The following SLX4IP variants were observed in gnomAD, a reference collection of about 807,000 sequenced individuals.
SLX4IP encodes the protein protein SLX4IP.
A neutral mutation model predicts 32.9 loss-of-function variants in SLX4IP; 34 were observed. That is an observed-to-expected ratio of 1.03 (90% CI 0.79 to 1.38). The LOEUF is 1.38. Ranked by LOEUF, SLX4IP falls within the 40% of genes most tolerant of loss-of-function variation. The probability of loss-of-function intolerance (pLI) is 0.00; values close to 1 mark genes in which losing one functional copy is unlikely to be tolerated. For missense variants in SLX4IP, 444 were observed against 479.0 expected (o/e 0.93, Z 0.68); for synonymous variants, 172 against 171.7 (o/e 1.00, Z -0.01).
chr20:10,568,854 C>T (rs1010517532), intron 4 of SLX4IP, among the ~76,000 whole-genome samples: 1 of 152,202 alleles, frequency 6.6e-6, no homozygotes, highest in Non-Finnish European at 1.5e-5. Context: ...CTGTGCCCTT[C>T]GTGAGATGAA....
At chr20:10,443,755 G>T (rs777273046) in intron 1 of SLX4IP, among the ~76,000 whole-genome samples, 10 of 152,196 alleles carry the variant, frequency 6.6e-5, no homozygotes, top group Non-Finnish European at 1.3e-4. Flanking sequence ...GAGGGGCCTG[G>T]TTGAAGGTGA....
chr20:10,455,947 C>T (rs1182383416), intron 1 of SLX4IP, among the ~76,000 whole-genome samples: 1 of 151,982 alleles, frequency 6.6e-6, no homozygotes, highest in African/African-American at 2.4e-5. Flanking sequence ...GGTTGAGCAT[C>T]CCTAATATGA....
At chr20:10,604,505 A>G (rs1441776059) in intron 6 of SLX4IP, among the ~76,000 whole-genome samples, 1 of 152,240 alleles carries the variant, frequency 6.6e-6, no homozygotes, top group Non-Finnish European at 1.5e-5. Context: ...TAGACAAGGA[A>G]GCCAGCTGCA....
intron 2 of SLX4IP, among the ~76,000 whole-genome samples, chr20:10,500,579 T>C (rs1198818007): frequency 6.6e-6 from 1 of 151,994 alleles, no homozygotes; most frequent in Non-Finnish European, 1.5e-5. Context: ...AGCAAAATCC[T>C]GTCTCTGCAA....
At chr20:10,555,290 C>T (rs1044797441) in intron 2 of SLX4IP, among the ~76,000 whole-genome samples, 28 of 152,180 alleles carry the variant, frequency 1.8e-4, no homozygotes, top group Non-Finnish European at 2.2e-4. Context: ...CAGACCATCC[C>T]CAACCTTGGT....
At chr20:10,489,791 T>C (rs1045040149) in intron 2 of SLX4IP, among the ~76,000 whole-genome samples, 4 of 152,230 alleles carry the variant, frequency 2.6e-5, no homozygotes, top group East Asian at 1.9e-4. Context: ...ATGGTTAACA[T>C]GAGGACAGTT....
chr20:10,574,243 G>A (rs188153473), intron 4 of SLX4IP, among the ~76,000 whole-genome samples: 152 of 152,194 alleles, frequency 1.0e-3, no homozygotes, highest in African/African-American at 3.5e-3. Context: ...TCAAAAAAAC[G>A]TGATGTACAA....
intron 1 of SLX4IP, among the ~76,000 whole-genome samples, chr20:10,437,610 G>C (rs1389723737): frequency 1.3e-5 from 2 of 152,180 alleles, no homozygotes; most frequent in African/African-American, 2.4e-5. Context: ...TATTTGCTCT[G>C]TGTCCTAAGA....
chr20:10,495,132 C>T (rs923664885), intron 2 of SLX4IP, among the ~76,000 whole-genome samples: 5 of 151,992 alleles, frequency 3.3e-5, no homozygotes, highest in Admixed American at 2.0e-4. Flanking sequence ...AATGAAAATA[C>T]GTATATGACT....
chr20:10,573,491 A>T (rs183831920), intron 4 of SLX4IP, among the ~76,000 whole-genome samples: 1 of 152,282 alleles, frequency 6.6e-6, no homozygotes, highest in East Asian at 1.9e-4. Context: ...GGGCAGTTAG[A>T]ATGTGCTCCT....
chr20:10,456,630 T>C (rs1206661609), intron 1 of SLX4IP, among the ~76,000 whole-genome samples: 1 of 152,232 alleles, frequency 6.6e-6, no homozygotes, highest in Non-Finnish European at 1.5e-5. Flanking sequence ...CGTGAGCCAC[T>C]GCGTCCAGCT....
chr20:10,587,338 T>C lies in SLX4IP; in HGVS notation c.239-11337T>C, dbSNP rs555031987. On this transcript the variant is annotated intron_variant, in intron 4 of 7. Transcript: ENST00000334534. ...AAAAATTTTTAGAAAATTAGAAATA[T>C]GTCTACAAAAAGTCTACAACAAATG... is the stretch of plus-strand genomic sequence containing the variant. Among the ~76,000 whole-genome samples the C allele has an allele frequency of 4.6e-5, 7 of 152,192 alleles. No homozygotes were observed. In the East Asian group the frequency reaches 1.4e-3, roughly 29 times the overall value.
At chr20:10,591,185 T>G (rs891060354) in intron 4 of SLX4IP, among the ~76,000 whole-genome samples, 1 of 152,218 alleles carries the variant, frequency 6.6e-6, no homozygotes, top group African/African-American at 2.4e-5. Flanking sequence ...TCAGTTCATA[T>G]AAAGGACAGA....
chr20:10,596,468 A>G (rs548214768), intron 4 of SLX4IP, among the ~76,000 whole-genome samples: 17 of 152,026 alleles, frequency 1.1e-4, no homozygotes, highest in Admixed American at 2.0e-4. Flanking sequence ...GCCTCAAGCA[A>G]TCCTCCCACT....
In SLX4IP at chr20:10,439,117, T is replaced by A. The variant is rs189683389; in HGVS notation, c.-30+3664T>A. 9.7e-4 allele frequency among the ~76,000 whole-genome samples: 147 copies of A among 152,222 alleles called. 2 individuals are homozygous for A. Among genetic ancestry groups the A allele is most frequent in the East Asian group, 4.4e-3 (23 of 5,180 alleles). On this transcript the variant is annotated intron_variant, in intron 1 of 7. Transcript: ENST00000334534. ...AGATATATAATAATTTGTTTACATA[T>A]TCACCAATTGATGGACATTTGGTTT...
chr20:10,518,109 G>A (rs529937678), intron 2 of SLX4IP, among the ~76,000 whole-genome samples: 3 of 152,266 alleles, frequency 2.0e-5, no homozygotes, highest in South Asian at 4.1e-4. Context: ...GCAAACCACC[G>A]TGGCACACGC....
At chr20:10,475,200 G>A (rs1223936149) in intron 2 of SLX4IP, among the ~76,000 whole-genome samples, 1 of 151,792 alleles carries the variant, frequency 6.6e-6, no homozygotes, top group Non-Finnish European at 1.5e-5. Flanking sequence ...GCCACCATCA[G>A]TTTGGTGTAT....
At chr20:10,563,670 C>T (rs969436909) in intron 4 of SLX4IP, among the ~76,000 whole-genome samples, 38 of 152,120 alleles carry the variant, frequency 2.5e-4, no homozygotes, top group African/African-American at 8.9e-4. Flanking sequence ...AGTGTCCTTT[C>T]CCCTAATATG....
intron 1 of SLX4IP, among the ~76,000 whole-genome samples, chr20:10,442,505 T>G (rs1281163619): frequency 6.6e-6 from 1 of 152,216 alleles, no homozygotes; most frequent in Non-Finnish European, 1.5e-5. Flanking sequence ...CAATAGAAGA[T>G]GAGGCATCAT....
Sources: allele counts gnomAD v4.1 joint callset (sites outside exome capture counted in the v4.1 genomes callset), GRCh38; gene constraint gnomAD v4.1.1; transcripts MANE v1.5; gene names NCBI Gene and HGNC (gene_info 2026-07-23, HGNC 2026-07-21).